SLC22A23: variants seen among roughly 807,000 people sequenced by gnomAD.
SLC22A23 encodes ion transporter protein.
A neutral mutation model predicts 61.0 loss-of-function variants in SLC22A23; 26 were observed. That is an observed-to-expected ratio of 0.43 (90% CI 0.31 to 0.59). SLC22A23 has a LOEUF of 0.59. SLC22A23 is among the 20% of genes least tolerant of loss of function. The pLI is 0.11. For missense variants in SLC22A23, 796 were observed against 934.7 expected (o/e 0.85, Z 1.94); for synonymous variants, 430 against 413.9 (o/e 1.04, Z -0.47).
rs1189396905 is a variant in SLC22A23, at chr6:3,327,332, A to G, written c.914-3330T>C. ...CCTTGGCTGGCAGCTGTGTCCCGGT[A>G]CTTACTAGAATCAATTTCTTTGCCA... On this transcript the variant is annotated intron_variant, in intron 3 of 9. Coordinates refer to ENST00000406686, the MANE Select transcript of SLC22A23 (RefSeq NM_015482.2). This position sits in a 1 kb window ranked among gnomAD's most constrained non-coding sequence, Gnocchi z 4.1. Among the ~76,000 whole-genome samples, 1 of 152,240 alleles carries G rather than the reference A, an allele frequency of 6.6e-6. No individual in the cohort carries two copies. Among genetic ancestry groups the G allele is most frequent in the Non-Finnish European group, 1.5e-5 (1 of 68,044 alleles).
intron 3 of SLC22A23, among the ~76,000 whole-genome samples, chr6:3,353,334 C>T (rs987118257): frequency 6.6e-6 from 1 of 152,188 alleles, no homozygotes; most frequent in African/African-American, 2.4e-5. Flanking sequence ...GCCAGCTCCC[C>T]AATGAAGAGG....
intron 2 of SLC22A23, among the ~76,000 whole-genome samples, chr6:3,413,958 C>T (rs796885810): frequency 1.5e-4 from 23 of 152,340 alleles, no homozygotes; most frequent in African/African-American, 5.3e-4. Flanking sequence ...AGAAAAGCAA[C>T]TGCAGAGAAA....
chr6:3,360,196 A>C lies in SLC22A23; in HGVS notation c.914-36194T>G, dbSNP rs895661388. On this transcript the variant is annotated intron_variant, in intron 3 of 9. Transcript: ENST00000406686. This position sits in a 1 kb window ranked among gnomAD's most constrained non-coding sequence, Gnocchi z 4.6. Reference sequence around the variant, plus strand: ...GATGAAGGGTGGTGATGGCTGTGTAAAAATGTGAATTACTTAATGCCACTG... The same window carrying C: ...GATGAAGGGTGGTGATGGCTGTGTACAAATGTGAATTACTTAATGCCACTG... 6.6e-6 allele frequency among the ~76,000 whole-genome samples: 1 copy of C among 152,238 alleles called. No individual in the cohort carries two copies. The highest frequency in any genetic ancestry group is 6.5e-5 in the Admixed American group (1 of 15,286).
rs1416402082 is a variant in SLC22A23 at position 3,329,843 on chromosome 6, AG to A, written c.914-5842del. Among the ~76,000 whole-genome samples, 4 of 152,216 alleles carry A rather than the reference AG, an allele frequency of 2.6e-5. No homozygotes were observed. The highest frequency in any genetic ancestry group is 5.9e-5 in the Non-Finnish European group (4 of 68,020). Reference sequence around the variant, plus strand: ...GCAGGCCCAAGGCCACTCTCGGGACAGGGCAAGTCTGCACAACTCACTGGCA... The same window carrying A: ...GCAGGCCCAAGGCCACTCTCGGGACAGGCAAGTCTGCACAACTCACTGGCA... On this transcript the variant is annotated intron_variant, in intron 3 of 9. Transcript: ENST00000406686. This position sits in a 1 kb window ranked among gnomAD's most constrained non-coding sequence, Gnocchi z 4.8.
intron 4 of SLC22A23, among the ~76,000 whole-genome samples, chr6:3,320,674 A>G (rs904123203): frequency 6.6e-6 from 1 of 152,144 alleles, no homozygotes; most frequent in Non-Finnish European, 1.5e-5. Context: ...AGACAATAAA[A>G]AAGGGTAGGC....
At chr6:3,373,580 A>C (rs1766360934) in intron 3 of SLC22A23, among the ~76,000 whole-genome samples, 1 of 152,086 alleles carries the variant, frequency 6.6e-6, no homozygotes. Flanking sequence ...GAGGGCTCTG[A>C]CTATACCCAC....
At chr6:3,354,606 G>T (rs1764962411) in intron 3 of SLC22A23, among the ~76,000 whole-genome samples, 1 of 152,210 alleles carries the variant, frequency 6.6e-6, no homozygotes, top group East Asian at 1.9e-4. Context: ...TTATTAGTGG[G>T]TAAAGCAATG....
At chr6:3,295,860 A>C (rs1402829279) in intron 5 of SLC22A23, among the ~76,000 whole-genome samples, 2 of 152,186 alleles carry the variant, frequency 1.3e-5, no homozygotes, top group African/African-American at 2.4e-5. Context: ...AAGGAGGTGA[A>C]GCCTCTATCC....
chr6:3,417,716 C>T (rs1186158262), intron 1 of SLC22A23, among the ~76,000 whole-genome samples: 1 of 152,180 alleles, frequency 6.6e-6, no homozygotes, highest in Admixed American at 6.5e-5. Context: ...CCAACACTGC[C>T]CTGCCATTTT....
At chr6:3,323,643 T>C (rs926359189) in intron 4 of SLC22A23, 191 bp downstream of exon 4, 1 of 699,466 alleles carries the variant, frequency 1.4e-6, no homozygotes, top group Admixed American at 3.0e-5. Flanking sequence ...TTTTTGTGTA[T>C]ATTTGAACAG....
At chr6:3,275,738 A>G (rs1758833584) in intron 9 of SLC22A23, among the ~76,000 whole-genome samples, 1 of 152,174 alleles carries the variant, frequency 6.6e-6, no homozygotes, top group Non-Finnish European at 1.5e-5. Flanking sequence ...GCGTGCCACC[A>G]TGCCCAGCTA....
At chr6:3,450,234 G>T (rs755598605) in intron 1 of SLC22A23, among the ~76,000 whole-genome samples, 2 of 152,216 alleles carry the variant, frequency 1.3e-5, no homozygotes, top group Non-Finnish European at 2.9e-5. Flanking sequence ...AGATATGCAT[G>T]AAGATATCCA....
At position 3,427,718 on chromosome 6, in the gene SLC22A23, T is replaced by C. The variant is rs1192325044; in HGVS notation, c.655-11863A>G. On this transcript the variant is annotated intron_variant, in intron 1 of 9. Transcript: ENST00000406686. The surrounding 1 kb of genome is among the most constrained non-coding windows in gnomAD (Gnocchi z 4.3). ...GCAATCATTCCTTAAATATACTATT[T>C]TTCTGACCAAAAGAAAAAAAAAAGT... Among the ~76,000 whole-genome samples, 1 of 152,172 alleles carries C rather than the reference T, an allele frequency of 6.6e-6. No individual in the cohort carries two copies. The highest frequency in any genetic ancestry group is 1.5e-5 in the Non-Finnish European group (1 of 68,032).
At chr6:3,344,952 AG>A (rs1764340780) in intron 3 of SLC22A23, among the ~76,000 whole-genome samples, 1 of 152,236 alleles carries the variant, frequency 6.6e-6, no homozygotes, top group Non-Finnish European at 1.5e-5. Flanking sequence ...TTTAAGTATC[AG>A]GAAACAAGTG....
intron 3 of SLC22A23, among the ~76,000 whole-genome samples, chr6:3,408,880 A>G (rs1043819343): frequency 2.0e-5 from 3 of 152,208 alleles, no homozygotes; most frequent in Non-Finnish European, 2.9e-5. Flanking sequence ...TGCCCAGAGC[A>G]AGGGTCCCGG....
At chr6:3,451,901 G>A (rs1032706050) in intron 1 of SLC22A23, among the ~76,000 whole-genome samples, 8 of 152,306 alleles carry the variant, frequency 5.3e-5, no homozygotes, top group East Asian at 3.9e-4. Context: ...AAACTGTATC[G>A]ATAAGGGCTG....
chr6:3,438,576 G>A (rs1232724696), intron 1 of SLC22A23: 9 of 451,058 alleles, frequency 2.0e-5, no homozygotes, highest in Non-Finnish European at 4.0e-5. Flanking sequence ...ACCGTAATAG[G>A]AATTAATTAT....
intron 5 of SLC22A23, 76 bp from the exon 6 acceptor site, chr6:3,289,942 T>TCTGTGAGCCCTGGGCAGGCCGCCCACAGA: frequency 9.4e-7 from 1 of 1,063,174 alleles, no homozygotes; most frequent in Non-Finnish European, 1.4e-6. Flanking sequence ...GTCACAGCCC[T>TCTGTGAGCCCTGGGCAGGCCGCCCACAGA]GGTTCCCCAG....
rs114357495 is a variant in SLC22A23 at position 3,430,486 on chromosome 6, G to A, written c.655-14631C>T. On this transcript the variant is annotated intron_variant, in intron 1 of 9. Transcript: ENST00000406686. ...ACCCAGTCCCCAGTATTGTGGGCCA[G>A]GCCCCAGGAGGGACTGCAGACCAGT... Among the ~76,000 whole-genome samples, 1,165 of 152,312 alleles carry A rather than the reference G, an allele frequency of 7.6e-3. 7 individuals are homozygous for A. The highest frequency in any genetic ancestry group is 0.012 in the Non-Finnish European group (840 of 68,030).
Sources: allele counts gnomAD v4.1 joint callset (sites outside exome capture counted in the v4.1 genomes callset), GRCh38; gene constraint gnomAD v4.1.1; non-coding constraint Gnocchi (gnomAD v3.1); transcripts MANE v1.5; gene names NCBI Gene and HGNC (gene_info 2026-07-23, HGNC 2026-07-21).